The following FAM167A variants were observed in gnomAD, a reference collection of about 807,000 sequenced individuals.
The protein encoded by FAM167A is protein FAM167A.
A neutral mutation model predicts 14.9 loss-of-function variants in FAM167A; 23 were observed. The ratio of observed to expected loss-of-function variants is 1.55; its 90% CI spans 1.11 to 2.19. The LOEUF (loss-of-function observed/expected upper bound fraction) is 2.19, where lower values mean the gene tolerates loss of function less well. FAM167A is among the 30% of genes most tolerant of loss of function. The pLI, the probability that FAM167A is intolerant of heterozygous loss-of-function variation, is 0.00. For missense variants in FAM167A, 401 were observed against 281.5 expected (o/e 1.42, Z -3.04); for synonymous variants, 174 against 117.7 (o/e 1.48, Z -3.10).
chr8:11,431,170 C>T (rs950478418), intron 2 of FAM167A, among the ~76,000 whole-genome samples: 5 of 152,248 alleles, frequency 3.3e-5, no homozygotes, highest in African/African-American at 1.2e-4. Flanking sequence ...AATGGATCCA[C>T]ACAATGTGGC....
intron 1 of FAM167A, chr8:11,445,041 C>T (rs370002992): frequency 8.3e-5 from 70 of 841,960 alleles, no homozygotes; most frequent in Middle Eastern, 1.2e-3. Flanking sequence ...AAAACGACTC[C>T]GCCTCTACTA....
At chr8:11,471,662 G>C (rs2117174221), upstream of FAM167A, among the ~76,000 whole-genome samples, 1 of 152,324 alleles carries the variant, frequency 6.6e-6, no homozygotes, top group Non-Finnish European at 1.5e-5. Flanking sequence ...CCGTGAGCGA[G>C]AGGGCTGCCT....
At chr8:11,431,535 A>G (rs956229031) in intron 2 of FAM167A, among the ~76,000 whole-genome samples, 3 of 152,244 alleles carry the variant, frequency 2.0e-5, no homozygotes, top group African/African-American at 7.2e-5. Flanking sequence ...TATATTATAC[A>G]TATTTTACTG....
chr8:11,428,111 C>A (rs150455463), intron 2 of FAM167A, among the ~76,000 whole-genome samples: 2 of 133,954 alleles, frequency 1.5e-5, no homozygotes, highest in East Asian at 3.9e-4. Context: ...AACTAGGAAC[C>A]CTATGGTTTA....
chr8:11,425,673 C>A (rs537535721), intron 2 of FAM167A, among the ~76,000 whole-genome samples: 2 of 152,072 alleles, frequency 1.3e-5, no homozygotes, highest in African/African-American at 2.4e-5. Flanking sequence ...GTTATACCCC[C>A]CCTTGCTGTT....
chr8:11,431,420 C>G (rs144479335), intron 2 of FAM167A, among the ~76,000 whole-genome samples: 4 of 152,304 alleles, frequency 2.6e-5, no homozygotes, highest in African/African-American at 9.6e-5. Flanking sequence ...TTAGTGAGCA[C>G]AGAGTTTCCA....
At position 11,447,135 on chromosome 8, in the gene FAM167A, G is replaced by A. The variant is rs115218074; in HGVS notation, c.-397-2327C>T. Reference sequence around the variant, plus strand: ...CTCTCAGGGTAGGAAACTGCTACAAGTCTGTAACTGTATTGCAGACAATTT... The same window carrying A: ...CTCTCAGGGTAGGAAACTGCTACAAATCTGTAACTGTATTGCAGACAATTT... On this transcript the variant is annotated intron_variant, in intron 1 of 2. Transcript: ENST00000284486. Among the ~76,000 whole-genome samples, 1,147 of 152,158 alleles carry A rather than the reference G, an allele frequency of 7.5e-3. 25 individuals are homozygous for A. Among genetic ancestry groups the A allele is most frequent in the African/African-American group, 0.026 (1,089 of 41,474 alleles).
At chr8:11,455,531 C>T (rs1178552120) in intron 1 of FAM167A, among the ~76,000 whole-genome samples, 1 of 120,654 alleles carries the variant, frequency 8.3e-6, no homozygotes, top group African/African-American at 3.3e-5. Flanking sequence ...GGTTGCCCTG[C>T]TGGGTGTGTG....
At chr8:11,428,506 C>T (rs1438592020) in intron 2 of FAM167A, among the ~76,000 whole-genome samples, 3 of 152,210 alleles carry the variant, frequency 2.0e-5, no homozygotes, top group African/African-American at 7.2e-5. Context: ...GATGGTGATT[C>T]CGGCCGGTCT....
chr8:11,472,573 C>T (rs1308083820), upstream of FAM167A, among the ~76,000 whole-genome samples: 1 of 151,654 alleles, frequency 6.6e-6, no homozygotes, highest in Non-Finnish European at 1.5e-5. Context: ...TTGAAGGGCA[C>T]CAGAAATGTC....
Position 11,428,775 on chromosome 8 carries a change from C to G in FAM167A, c.382-4139G>C, listed in dbSNP as rs1028144369. 3.3e-5 allele frequency among the ~76,000 whole-genome samples: 5 copies of G among 152,184 alleles called. No individual in the cohort carries two copies. The East Asian group carries it at 7.7e-4, about 23-fold the overall frequency. ...GTGCTGGGCCCATGCTCGGCTGCTCCCTGGGCCACACAGACATTTTGCAAA... is the reference window on the plus strand; with the variant it reads ...GTGCTGGGCCCATGCTCGGCTGCTCGCTGGGCCACACAGACATTTTGCAAA... On this transcript the variant is annotated intron_variant, in intron 2 of 2. Transcript: ENST00000284486.
chr8:11,464,560 C>A (rs1380958213), intron 1 of FAM167A, among the ~76,000 whole-genome samples: 1 of 152,232 alleles, frequency 6.6e-6, no homozygotes, highest in Non-Finnish European at 1.5e-5. Context: ...GGTGCATTTG[C>A]ACAGTAACAG....
chr8:11,431,965 T>A (rs985751798), intron 2 of FAM167A, among the ~76,000 whole-genome samples: 15 of 146,290 alleles, frequency 1.0e-4, no homozygotes, highest in African/African-American at 3.3e-4. Context: ...CCGGGGTGAC[T>A]CAACTCTCAG....
chr8:11,456,139 G>A, intron 1 of FAM167A, among the ~76,000 whole-genome samples: 1 of 60,810 alleles, frequency 1.6e-5, no homozygotes, highest in African/African-American at 5.6e-5. Context: ...GCCTTGCTGT[G>A]TGTGTGTGTG....
intron 2 of FAM167A, among the ~76,000 whole-genome samples, chr8:11,437,719 C>T (rs1806125470): frequency 6.6e-6 from 1 of 152,178 alleles, no homozygotes; most frequent in Non-Finnish European, 1.5e-5. Flanking sequence ...GTGCCTCACC[C>T]AGTAGTCACT....
intron 2 of FAM167A, 24 bp from the exon 3 acceptor site, chr8:11,424,660 G>A (rs373127114): frequency 6.2e-7 from 1 of 1,611,128 alleles, no homozygotes; most frequent in East Asian, 2.2e-5. Flanking sequence ...GGAGCAGGCA[G>A]GGTCAGCAGA....
At chr8:11,456,894 TGGG>T (rs148276851) in intron 1 of FAM167A, among the ~76,000 whole-genome samples, 11,161 of 60,274 alleles carry the variant, frequency 0.19, 849 homozygotes, top group African/African-American at 0.27. Flanking sequence ...GTTAGGGAAA[TGGG>T]GGGATTGGGT....
intron 1 of FAM167A, among the ~76,000 whole-genome samples, chr8:11,475,355 C>G (rs1307966373): frequency 6.6e-6 from 1 of 152,210 alleles, no homozygotes; most frequent in Non-Finnish European, 1.5e-5. Context: ...GAAAAACGAT[C>G]TGTTGGCAAT....
At chr8:11,445,661 C>G in intron 1 of FAM167A, 1 of 964,658 alleles carries the variant, frequency 1.0e-6, no homozygotes, top group Non-Finnish European at 1.2e-6. Context: ...CCCATAACAT[C>G]AGACACAGGG....
Sources: allele counts gnomAD v4.1 joint callset (sites outside exome capture counted in the v4.1 genomes callset), GRCh38; gene constraint gnomAD v4.1.1; transcripts MANE v1.5; gene names NCBI Gene and HGNC (gene_info 2026-07-23, HGNC 2026-07-21).